Variants in SLC39A8 observed in about 807,000 individuals in gnomAD.
The protein encoded by SLC39A8 is metal cation symporter ZIP8.
SLC39A8 carries 15 observed loss-of-function variants against 40.4 expected under a neutral mutation model. That is an observed-to-expected ratio of 0.37 (90% CI 0.25 to 0.57). The LOEUF (loss-of-function observed/expected upper bound fraction) is 0.57. SLC39A8 is among the 20% of genes least tolerant of loss of function. The probability of loss-of-function intolerance (pLI) is 0.75; values close to 1 mark genes in which losing one functional copy is unlikely to be tolerated. For synonymous variants in SLC39A8, 223 were observed against 221.6 expected (o/e 1.01, Z -0.06); for missense variants, 472 against 558.8 (o/e 0.84, Z 1.57).
At chr4:102,299,416 GTTAC>G (rs1733816393) in intron 6 of SLC39A8, among the ~76,000 whole-genome samples, 1 of 151,926 alleles carries the variant, frequency 6.6e-6, no homozygotes, top group African/African-American at 2.4e-5. Flanking sequence ...CACCTCATCT[GTTAC>G]TTCTTGAAAA....
chr4:102,271,565 C>G (rs1732364866), intron 6 of SLC39A8, among the ~76,000 whole-genome samples: 1 of 152,172 alleles, frequency 6.6e-6, no homozygotes, highest in African/African-American at 2.4e-5. Context: ...ATGCTGAGCC[C>G]CCAAAAAGCT....
chr4:102,307,332 A>G (rs1051967996), intron 4 of SLC39A8, 104 bp downstream of exon 4: 3 of 1,332,574 alleles, frequency 2.3e-6, no homozygotes, highest in Non-Finnish European at 3.2e-6. Context: ...ACTATAAACT[A>G]GACCATAAAA....
rs930078238 is a variant in SLC39A8 at position 102,272,575 on chromosome 4, C to T, written c.841-4496G>A. On this transcript the variant is annotated intron_variant, in intron 6 of 8. Coordinates refer to ENST00000356736, the MANE Select transcript of SLC39A8 (RefSeq NM_001135146.2). The stretch of plus-strand genomic sequence containing the variant: ...CTCCAGCTGGGCGACAGAGTTAGAC[C>T]TTGTCTCTAAATAAATAAACAGATA... Among the ~76,000 whole-genome samples, 3 of 152,116 alleles carry T rather than the reference C, an allele frequency of 2.0e-5. No homozygotes were observed. The East Asian group carries it at 5.8e-4, about 29-fold the overall frequency.
chr4:102,290,283 A>G (rs779313765), intron 6 of SLC39A8, among the ~76,000 whole-genome samples: 11 of 152,150 alleles, frequency 7.2e-5, no homozygotes, highest in Non-Finnish European at 1.3e-4. Flanking sequence ...AATAGACTAT[A>G]GTGTAGTGAA....
chr4:102,307,035 A>T (rs1734205023), intron 4 of SLC39A8, among the ~76,000 whole-genome samples: 1 of 152,102 alleles, frequency 6.6e-6, no homozygotes, highest in Admixed American at 6.6e-5. Context: ...GGTATATGTT[A>T]AATACATTAT....
At chr4:102,251,254 T>C (rs959459035) in exon 12 of SLC39A8, 1 of 152,156 alleles carries the variant, frequency 6.6e-6, no homozygotes, top group African/African-American at 2.4e-5. Context: ...AACTAAATAA[T>C]ATATTATTGT....
At chr4:102,319,416 G>A (rs1734806143) in intron 2 of SLC39A8, among the ~76,000 whole-genome samples, 1 of 152,040 alleles carries the variant, frequency 6.6e-6, no homozygotes, top group Non-Finnish European at 1.5e-5. Context: ...TCTGAGCCCA[G>A]GCCTCGACCC....
rs1238024204 is a variant in SLC39A8, at chr4:102,261,977, C to A, written c.*1067G>T. Reference sequence around the variant, plus strand: ...TCTTTTATAAAAGGTAGAAAAATAACCATGGTGTGCTAATTTTTTTCAAGG... The same window carrying A: ...TCTTTTATAAAAGGTAGAAAAATAAACATGGTGTGCTAATTTTTTTCAAGG... On this transcript the variant is annotated 3_prime_UTR_variant, in exon 9 of 9. Coordinates refer to ENST00000356736, the MANE Select transcript of SLC39A8 (RefSeq NM_001135146.2). The A allele has an allele frequency of 2.0e-6, 2 of 985,554 alleles. No homozygotes were observed. Among genetic ancestry groups the A allele is most frequent in the Non-Finnish European group, 2.4e-6 (2 of 829,860 alleles). The allele number at this position is 985,554 out of a possible 1,614,324, so 61.1% of individuals were successfully genotyped here. A position where few individuals can be genotyped will look rare whatever the true frequency, so the allele number is the denominator to read the frequency against.
chr4:102,256,686 A>T (rs889484922), downstream of SLC39A8, among the ~76,000 whole-genome samples: 1 of 152,026 alleles, frequency 6.6e-6, no homozygotes, highest in African/African-American at 2.4e-5. Flanking sequence ...CAGCAACTTC[A>T]CTCCCATATA....
intron 2 of SLC39A8, among the ~76,000 whole-genome samples, chr4:102,341,011 G>A (rs1191350784): frequency 2.0e-5 from 3 of 152,174 alleles, no homozygotes; most frequent in Admixed American, 1.3e-4. Flanking sequence ...GGTCTGGAGA[G>A]GTAGGTTGAC....
At chr4:102,257,543 T>C (rs151233334), downstream of SLC39A8, among the ~76,000 whole-genome samples, 33 of 152,294 alleles carry the variant, frequency 2.2e-4, no homozygotes, top group Middle Eastern at 3.4e-3. Context: ...TACTCTATCC[T>C]TCCTCTCTTC....
Position 102,267,544 on chromosome 4 carries a change from A to G in SLC39A8, c.1179T>C (p.Asn393=). 6.2e-7 allele frequency: 1 copy of G among 1,613,994 alleles called. No individual in the cohort carries two copies. The highest frequency in any genetic ancestry group is 8.5e-7 in the Non-Finnish European group (1 of 1,179,986). The change falls in exon 8 of 9, where the codon AAT becomes AAC. Residue 393 remains asparagine, a synonymous_variant. Transcript: ENST00000356736. Reference sequence around the variant, plus strand: ...TGCCTCCAGCAAGTGCAAATATAATATTTGGAGCGAAATTGTTGCCCACCA... The same window carrying G: ...TGCCTCCAGCAAGTGCAAATATAATGTTTGGAGCGAAATTGTTGCCCACCA... ...GILVGNNFAP[N]IIFALAGGMF...
chr4:102,336,294 A>T (rs1735672046), intron 2 of SLC39A8, among the ~76,000 whole-genome samples: 1 of 152,214 alleles, frequency 6.6e-6, no homozygotes, highest in Admixed American at 6.5e-5. Context: ...AGGATTACAA[A>T]AAGAGGGTAA....
intron 2 of SLC39A8, among the ~76,000 whole-genome samples, chr4:102,316,059 C>T (rs996499056): frequency 1.3e-5 from 2 of 151,980 alleles, no homozygotes; most frequent in African/African-American, 4.8e-5. Flanking sequence ...CAACAGCTTT[C>T]CTACAGCAGA....
At chr4:102,285,870 G>C (rs999763911) in intron 6 of SLC39A8, among the ~76,000 whole-genome samples, 1 of 152,088 alleles carries the variant, frequency 6.6e-6, no homozygotes, top group Non-Finnish European at 1.5e-5. Context: ...AAGGGAGATG[G>C]ATTTCATTTA....
At chr4:102,289,252 A>G (rs1733316061) in intron 6 of SLC39A8, among the ~76,000 whole-genome samples, 1 of 152,208 alleles carries the variant, frequency 6.6e-6, no homozygotes, top group Admixed American at 6.5e-5. Context: ...AGCATGGTTT[A>G]CTGAATATTT....
intron 6 of SLC39A8, among the ~76,000 whole-genome samples, chr4:102,278,197 G>T (rs1178120025): frequency 6.6e-6 from 1 of 152,096 alleles, no homozygotes; most frequent in Non-Finnish European, 1.5e-5. Flanking sequence ...GAGTGAACAG[G>T]CAACCTACAG....
chr4:102,322,376 G>T (rs931125964), intron 2 of SLC39A8, among the ~76,000 whole-genome samples: 1 of 152,144 alleles, frequency 6.6e-6, no homozygotes, highest in Non-Finnish European at 1.5e-5. Context: ...GCTAATTAAA[G>T]TTGATTTTTT....
At chr4:102,310,105 C>A (rs67152947) in intron 3 of SLC39A8, among the ~76,000 whole-genome samples, 1 of 151,960 alleles carries the variant, frequency 6.6e-6, no homozygotes, top group Non-Finnish European at 1.5e-5. Flanking sequence ...TTATTTACCC[C>A]CTTCTCAACA....
Sources: gnomAD v4.1 joint callset for allele counts (sites outside exome capture counted in the v4.1 genomes callset) on GRCh38, gnomAD v4.1.1 for gene constraint, MANE v1.5 for transcripts, NCBI Gene and HGNC (gene_info 2026-07-23, HGNC 2026-07-21) for gene names.